The following PXDNL variants were observed in gnomAD, a reference collection of about 807,000 sequenced individuals.
The protein encoded by PXDNL is probable oxidoreductase PXDNL.
Under a neutral mutation model 150.8 loss-of-function variants are expected in PXDNL, and 145 were observed. The ratio of observed to expected loss-of-function variants is 0.96; its 90% CI spans 0.84 to 1.10. The LOEUF is 1.10. Ranked by LOEUF, PXDNL falls within the 50% of genes least tolerant of loss-of-function variation. PXDNL has a pLI of 0.00. For synonymous variants in PXDNL, 757 were observed against 725.7 expected (o/e 1.04, Z -0.69); for missense variants, 2,087 against 1,873.9 (o/e 1.11, Z -2.10).
chr8:51,744,893 G>C (rs1029487758), intron 1 of PXDNL, among the ~76,000 whole-genome samples: 2 of 134,992 alleles, frequency 1.5e-5, no homozygotes, highest in Non-Finnish European at 3.2e-5. Flanking sequence ...AGAGAAGGAA[G>C]GAAAGAAGGA....
At chr8:51,727,080 A>G (rs1816829696) in intron 1 of PXDNL, among the ~76,000 whole-genome samples, 1 of 152,218 alleles carries the variant, frequency 6.6e-6, no homozygotes, top group African/African-American at 2.4e-5. Context: ...ATAAGATGAC[A>G]CCAATATAAT....
At chr8:51,806,269 CACT>C (rs1377833240) in intron 1 of PXDNL, among the ~76,000 whole-genome samples, 4 of 152,142 alleles carry the variant, frequency 2.6e-5, no homozygotes, top group Admixed American at 2.6e-4. Flanking sequence ...GAAATTTTAA[CACT>C]ACTACTAATA....
chr8:51,532,100 G>A (rs1358816302), intron 4 of PXDNL, among the ~76,000 whole-genome samples: 1 of 152,204 alleles, frequency 6.6e-6, no homozygotes, highest in Non-Finnish European at 1.5e-5. Context: ...CAGAATGCAG[G>A]TAAGTATGAC....
intron 1 of PXDNL, among the ~76,000 whole-genome samples, chr8:51,710,227 T>G (rs1816467660): frequency 1.3e-5 from 2 of 152,240 alleles, no homozygotes; most frequent in African/African-American, 4.8e-5. Flanking sequence ...GATTTTATAT[T>G]GTATCACTTT....
chr8:51,483,824 G>C (rs1013973574), intron 5 of PXDNL, 110 bp from the exon 6 acceptor site: 1 of 656,106 alleles, frequency 1.5e-6, no homozygotes, highest in Non-Finnish European at 2.6e-6. Context: ...AAATATTTCA[G>C]TGAGAAAGGG....
At chr8:51,473,612 A>G (rs1810400849) in intron 7 of PXDNL, among the ~76,000 whole-genome samples, 1 of 152,128 alleles carries the variant, frequency 6.6e-6, no homozygotes, top group Admixed American at 6.5e-5. Context: ...AAGTGACTGG[A>G]GGGATAGCAT....
intron 1 of PXDNL, among the ~76,000 whole-genome samples, chr8:51,796,646 G>C (rs930297576): frequency 6.6e-6 from 1 of 152,094 alleles, no homozygotes; most frequent in Non-Finnish European, 1.5e-5. Context: ...TCCCTGAATA[G>C]ACCAATAACG....
At chr8:51,611,855 C>T (rs1468935557) in intron 2 of PXDNL, among the ~76,000 whole-genome samples, 1 of 152,206 alleles carries the variant, frequency 6.6e-6, no homozygotes, top group African/African-American at 2.4e-5. Flanking sequence ...TGGGAACTGT[C>T]TGCGGAGTAG....
chr8:51,436,790 T>C (rs1809417880), intron 12 of PXDNL, among the ~76,000 whole-genome samples: 1 of 151,778 alleles, frequency 6.6e-6, no homozygotes, highest in Non-Finnish European at 1.5e-5. Flanking sequence ...AGGTCACACC[T>C]CAAGGAACTA....
At chr8:51,742,401 A>G (rs2036916169) in intron 1 of PXDNL, among the ~76,000 whole-genome samples, 2 of 152,206 alleles carry the variant, frequency 1.3e-5, no homozygotes, top group Non-Finnish European at 2.9e-5. Flanking sequence ...ACATAAAAAC[A>G]GAAAATCTGA....
intron 1 of PXDNL, among the ~76,000 whole-genome samples, chr8:51,709,447 G>A (rs1355729164): frequency 2.0e-5 from 3 of 151,962 alleles, no homozygotes; most frequent in Non-Finnish European, 4.4e-5. Context: ...GTAGAGACAG[G>A]GTTTCACCGT....
chr8:51,638,286 C>T (rs1469735969), intron 2 of PXDNL, among the ~76,000 whole-genome samples: 2 of 152,166 alleles, frequency 1.3e-5, no homozygotes, highest in Non-Finnish European at 2.9e-5. Flanking sequence ...GAAGAAACTG[C>T]ATCAACTAAC....
intron 12 of PXDNL, among the ~76,000 whole-genome samples, chr8:51,434,589 A>G (rs1357864007): frequency 6.6e-6 from 1 of 152,246 alleles, no homozygotes; most frequent in Non-Finnish European, 1.5e-5. Context: ...TGTATTTTCT[A>G]CCATGTAACA....
Position 51,453,710 on chromosome 8 carries a change from G to T in PXDNL, c.1058C>A (p.Ala353Asp). The change falls in exon 10 of 23, where the codon GCC (alanine) becomes GAC (aspartate). Residue 353 changes from alanine to aspartate, a missense_variant. By Grantham distance (126) the Ala-to-Asp change is moderately radical. Coordinates refer to ENST00000356297, the MANE Select transcript of PXDNL (RefSeq NM_144651.5). ...IGTSTTLECM[A>D]TGHPHPLITW... ...GATAAGAGGGTGTGGGTGGCCTGTG[G>T]CCATACATTCCAAAGTTGTGCTGGT... is the stretch of plus-strand genomic sequence containing the variant. 1 of 1,614,062 alleles carries T rather than the reference G, an allele frequency of 6.2e-7. No individual in the cohort carries two copies. The highest frequency in any genetic ancestry group is 8.5e-7 in the Non-Finnish European group (1 of 1,179,904).
rs755700610 is a variant in PXDNL at position 51,393,267 on chromosome 8, C to T, written c.3557+14800G>A. On this transcript the variant is annotated intron_variant, in intron 17 of 22. Coordinates refer to ENST00000356297, the MANE Select transcript of PXDNL (RefSeq NM_144651.5). ...CACTCAGATGTGTGCATAGACTTAG[C>T]ATCCAGGCAGTCTGCTAAGTTCTTG... Among the ~76,000 whole-genome samples the T allele has an allele frequency of 6.6e-5, 10 of 152,310 alleles. 1 individual carries two copies. The highest frequency in any genetic ancestry group is 6.8e-3 in the Middle Eastern group (2 of 294).
intron 12 of PXDNL, chr8:51,436,615 G>A (rs1809413956): frequency 5.4e-6 from 1 of 185,786 alleles, no homozygotes; most frequent in Non-Finnish European, 1.1e-5. Flanking sequence ...AATGATCACT[G>A]GGTCAACAGT....
intron 1 of PXDNL, among the ~76,000 whole-genome samples, chr8:51,744,960 GAAAGAAAGA>G (rs1563307807): frequency 4.1e-5 from 1 of 24,218 alleles, no homozygotes; most frequent in African/African-American, 8.9e-5. Flanking sequence ...AAGAAAGAAA[GAAAGAAAGA>G]AAGAAAGAAA....
rs1266502699 is a variant in PXDNL at position 51,809,308 on chromosome 8, G to GA, written c.36dup (p.Leu13SerfsTer20). On this transcript the variant is annotated frameshift_variant, in exon 1 of 23. Transcript: ENST00000356297. LOFTEE classifies it high-confidence loss of function. Reference sequence around the variant, plus strand: ...CCTGGCAGGCACCACCCGGCCAGGAGAAAGAGAGTGGTCCAGCAGAACAGT... The same window carrying GA: ...CCTGGCAGGCACCACCCGGCCAGGAGAAAAGAGAGTGGTCCAGCAGAACAGT... 6.4e-7 allele frequency: 1 copy of GA among 1,573,198 alleles called. No individual in the cohort carries two copies. The highest frequency in any genetic ancestry group is 1.4e-5 in the African/African-American group (1 of 73,962).
Position 51,449,024 on chromosome 8 carries a change from A to G in PXDNL, c.1344T>C (p.Pro448=), listed in dbSNP as rs771203024. Residue 448 remains proline, a synonymous_variant, in exon 11 of 23, where the codon CCT becomes CCC. Transcript: ENST00000356297. ...TACCTGTTTTTGTCCAGACAATAAC[A>G]GGAGGTGGGTTGCCGTCAGCTTCAC... ...WLCEADGNPP[P]VIVWTKTGGQ... is the part of the protein sequence containing the mutation. 13 of 1,546,674 alleles carry G rather than the reference A, an allele frequency of 8.4e-6. No homozygotes were observed. The African/African-American group carries it at 1.6e-4, about 20-fold the overall frequency.
Sources: allele counts gnomAD v4.1 joint callset (sites outside exome capture counted in the v4.1 genomes callset), GRCh38; gene constraint gnomAD v4.1.1; transcripts MANE v1.5; gene names NCBI Gene and HGNC (gene_info 2026-07-23, HGNC 2026-07-21).